The following SEMA6A variants were observed in gnomAD, a reference collection of about 807,000 sequenced individuals.
The protein encoded by SEMA6A is semaphorin 6A, also known as semaphorin-6A.
Under a neutral mutation model 96.8 loss-of-function variants are expected in SEMA6A, and 25 were observed. That is an observed-to-expected ratio of 0.26 (90% CI 0.19 to 0.36). The LOEUF (loss-of-function observed/expected upper bound fraction) is 0.36. Among genes scored for constraint, SEMA6A ranks in the 10% least tolerant of loss-of-function variants. The probability of loss-of-function intolerance (pLI) is 1.00; values close to 1 mark genes in which losing one functional copy is unlikely to be tolerated. For missense variants in SEMA6A, 1,363 were observed against 1,323.1 expected (o/e 1.03, Z -0.47); for synonymous variants, 612 against 518.0 (o/e 1.18, Z -2.46).
At chr5:116,511,584 C>T (rs1297300312) in intron 1 of SEMA6A, among the ~76,000 whole-genome samples, 1 of 152,164 alleles carries the variant, frequency 6.6e-6, no homozygotes, top group Non-Finnish European at 1.5e-5. Context: ...TGCATCTATG[C>T]TTATGTGGAC....
chr5:116,474,231 G>C (rs1228069716), intron 16 of SEMA6A, among the ~76,000 whole-genome samples: 1 of 151,258 alleles, frequency 6.6e-6, no homozygotes, highest in African/African-American at 2.4e-5. Flanking sequence ...GATGAAAATA[G>C]CTCATTAACA....
At position 116,505,463 on chromosome 5, in the gene SEMA6A, A is replaced by G. The variant is rs536577262; in HGVS notation, c.-38-481T>C. On this transcript the variant is annotated intron_variant, in intron 1 of 18. Transcript: ENST00000343348. Reference sequence around the variant, plus strand: ...GGTACACAGACACACGCACGCGCACACACACACACACACACACACACATCT... The same window carrying G: ...GGTACACAGACACACGCACGCGCACGCACACACACACACACACACACATCT... Among the ~76,000 whole-genome samples, 285 of 150,554 alleles carry G rather than the reference A, an allele frequency of 1.9e-3. 3 individuals carry two copies. Among genetic ancestry groups the G allele is most frequent in the African/African-American group, 6.9e-3 (277 of 40,370 alleles).
At chr5:116,461,196 T>G (rs1474125805) in intron 18 of SEMA6A, among the ~76,000 whole-genome samples, 1 of 152,160 alleles carries the variant, frequency 6.6e-6, no homozygotes, top group East Asian at 1.9e-4. Context: ...GATCTCTAAT[T>G]CAAAAGAGTT....
At chr5:116,558,016 A>G (rs1760675540) in intron 1 of SEMA6A, among the ~76,000 whole-genome samples, 1 of 152,208 alleles carries the variant, frequency 6.6e-6, no homozygotes, top group African/African-American at 2.4e-5. Context: ...TTAAAAATCA[A>G]ATCGTTCCTT....
rs1754289439 is a variant in SEMA6A at position 116,447,327 on chromosome 5, G to C, written c.2379C>G (p.Pro793=). 1 of 1,613,732 alleles carries C rather than the reference G, an allele frequency of 6.2e-7. No individual in the cohort carries two copies. The highest frequency in any genetic ancestry group is 1.3e-5 in the African/African-American group (1 of 75,082). The change falls in exon 19 of 19, where the codon CCC becomes CCG. Residue 793 remains proline, a synonymous_variant. Coordinates refer to ENST00000343348, the MANE Select transcript of SEMA6A (RefSeq NM_020796.5). ...LINACTKDMP[P]MGSPVIPTDL... is the part of the protein sequence containing the mutation. ...CCGTGGGAATCACAGGGGAGCCCATGGGGGGCATGTCCTTTGTGCAGGCAT... is the reference window on the plus strand; with the variant it reads ...CCGTGGGAATCACAGGGGAGCCCATCGGGGGCATGTCCTTTGTGCAGGCAT...
At chr5:116,545,894 CT>C (rs1202111809) in intron 1 of SEMA6A, among the ~76,000 whole-genome samples, 1 of 152,178 alleles carries the variant, frequency 6.6e-6, no homozygotes, top group African/African-American at 2.4e-5. Context: ...ATGGCCCTAT[CT>C]AGTTCTGCCA....
chr5:116,513,502 G>A lies in SEMA6A; in HGVS notation c.-38-8520C>T, dbSNP rs1332844377. Among the ~76,000 whole-genome samples, 4 of 151,948 alleles carry A rather than the reference G, an allele frequency of 2.6e-5. No individual in the cohort carries two copies. The East Asian group carries it at 7.7e-4, about 29-fold the overall frequency. On this transcript the variant is annotated intron_variant, in intron 1 of 18. Transcript: ENST00000343348. ...GACCTGATTTTGTACAATTCCTCTG[G>A]AAAACTCTACTTACATGTATGGCTT... is the stretch of plus-strand genomic sequence containing the variant.
intron 1 of SEMA6A, among the ~76,000 whole-genome samples, chr5:116,533,545 A>C (rs77651315): frequency 0.012 from 1,862 of 152,322 alleles, 39 homozygotes; most frequent in African/African-American, 0.042. Flanking sequence ...AAAGTATATC[A>C]GCATACTTTT....
chr5:116,552,471 C>G (rs79748301), intron 1 of SEMA6A, among the ~76,000 whole-genome samples: 3,734 of 152,254 alleles, frequency 0.025, 68 homozygotes, highest in African/African-American at 0.029. Context: ...CACTAATTAC[C>G]TGGCCACTTT....
At chr5:116,452,211 T>C (rs932292911) in intron 18 of SEMA6A, among the ~76,000 whole-genome samples, 1 of 152,180 alleles carries the variant, frequency 6.6e-6, no homozygotes, top group South Asian at 2.1e-4. Context: ...CTCTTACCAA[T>C]TGAAAATGGG....
chr5:116,520,100 T>G (rs1356351841), intron 1 of SEMA6A, among the ~76,000 whole-genome samples: 1 of 152,136 alleles, frequency 6.6e-6, no homozygotes, highest in Non-Finnish European at 1.5e-5. Flanking sequence ...CCCACTCTGT[T>G]CCAGCCCCTG....
chr5:116,542,406 G>A lies in SEMA6A; in HGVS notation c.-39+31779C>T, dbSNP rs73256738. Among the ~76,000 whole-genome samples the A allele has an allele frequency of 7.0e-3, 1,056 of 151,940 alleles. 10 individuals carry two copies. Among genetic ancestry groups the A allele is most frequent in the African/African-American group, 0.024 (1,000 of 41,430 alleles). The stretch of plus-strand genomic sequence containing the variant: ...ATTTCTTCCCATGAGATCCCTCCCC[G>A]ACCTTTTACAGGCATATATCATTTT... On this transcript the variant is annotated intron_variant, in intron 1 of 18. Transcript: ENST00000343348.
chr5:116,446,531 C>T lies in SEMA6A; in HGVS notation c.*82G>A, dbSNP rs1291422220. 3 of 1,224,686 alleles carry T rather than the reference C, an allele frequency of 2.4e-6. No homozygotes were observed. The highest frequency in any genetic ancestry group is 2.1e-4 in the Middle Eastern group (1 of 4,876). 75.9% of individuals were successfully genotyped at this position (1,224,686 alleles called of 1,614,324 possible). A position where few individuals can be genotyped will look rare whatever the true frequency, so the allele number is the denominator to read the frequency against. On this transcript the variant is annotated 3_prime_UTR_variant, in exon 19 of 19. Coordinates refer to ENST00000343348, the MANE Select transcript of SEMA6A (RefSeq NM_020796.5). ...AGGCCTTCTTGGTCTGGTGGGTACT[C>T]GAGGCAGTTGAGAACCTTGCTGAGC...
intron 1 of SEMA6A, among the ~76,000 whole-genome samples, chr5:116,561,007 G>GTA (rs1580518701): frequency 6.6e-6 from 1 of 152,090 alleles, no homozygotes; most frequent in East Asian, 1.9e-4. Context: ...TAAATATTGA[G>GTA]TACACAACAC....
chr5:116,502,157 G>C, intron 3 of SEMA6A, 53 bp downstream of exon 3: 1 of 1,414,414 alleles, frequency 7.1e-7, no homozygotes. Flanking sequence ...GTAAATTTAG[G>C]ACCTTGGGCT....
In SEMA6A at chr5:116,447,179, G is replaced by A. The variant is rs369788386; in HGVS notation, c.2527C>T (p.Leu843=). 7 of 1,613,890 alleles carry A rather than the reference G, an allele frequency of 4.3e-6. No homozygotes were observed. In the African/African-American group the frequency reaches 6.7e-5, roughly 15 times the overall value. The change falls in exon 19 of 19, where the codon CTG becomes TTG. Residue 843 remains leucine (L), a synonymous_variant. Transcript: ENST00000343348. The part of the protein sequence containing the change: ...PKMSEVAQMA[L]EDQAATLEYK... ...TCCAGTGTGGCGGCCTGGTCCTCCA[G>A]CGCCATCTGGGCCACCTCGCTCATT...
chr5:116,547,954 C>T (rs1168594578), intron 1 of SEMA6A, among the ~76,000 whole-genome samples: 5 of 152,142 alleles, frequency 3.3e-5, no homozygotes, highest in Admixed American at 6.5e-5. Flanking sequence ...ACCTTATCCC[C>T]GGCCTCACAT....
At position 116,478,271 on chromosome 5, in the gene SEMA6A, C is replaced by A; in HGVS notation, c.1428-117G>T. 2.5e-6 allele frequency: 3 copies of A among 1,220,194 alleles called. No homozygotes were observed. The South Asian group carries it at 4.4e-5, about 18-fold the overall frequency. 75.6% of individuals were successfully genotyped at this position (1,220,194 alleles called of 1,614,324 possible). On this transcript the variant is annotated intron_variant, in intron 13 of 18. Coordinates refer to ENST00000343348, the MANE Select transcript of SEMA6A (RefSeq NM_020796.5). Reference sequence around the variant, plus strand: ...TCTCTTAATCTAACTGGCGGTGAAACAAACAAACCCTTCTGCTCTTGCACA... The same window carrying A: ...TCTCTTAATCTAACTGGCGGTGAAAAAAACAAACCCTTCTGCTCTTGCACA...
At chr5:116,486,136 G>T (rs1338007421) in intron 10 of SEMA6A, among the ~76,000 whole-genome samples, 1 of 152,148 alleles carries the variant, frequency 6.6e-6, no homozygotes, top group Non-Finnish European at 1.5e-5. Flanking sequence ...TCTGGGTTGT[G>T]GCCCAACTTG....
Sources: gnomAD v4.1 joint callset for allele counts (sites outside exome capture counted in the v4.1 genomes callset) on GRCh38, gnomAD v4.1.1 for gene constraint, MANE v1.5 for transcripts, NCBI Gene and HGNC (gene_info 2026-07-23, HGNC 2026-07-21) for gene names.